SLC39A12: variants seen among roughly 807,000 people sequenced by gnomAD.
The protein encoded by SLC39A12 is zinc transporter ZIP12.
A neutral mutation model predicts 71.1 loss-of-function variants in SLC39A12; 63 were observed. That is an observed-to-expected ratio of 0.89 (90% CI 0.72 to 1.09). The LOEUF is 1.09. Ranked by LOEUF, SLC39A12 falls within the 50% of genes least tolerant of loss-of-function variation. The probability of loss-of-function intolerance (pLI) is 0.00; values close to 1 mark genes in which losing one functional copy is unlikely to be tolerated. For missense variants in SLC39A12, 892 were observed against 812.6 expected (o/e 1.10, Z -1.19); for synonymous variants, 351 against 301.3 (o/e 1.16, Z -1.71).
rs1835809096 is a variant in SLC39A12, at chr10:18,000,684, T to C, written c.1618T>C (p.Leu540=). ...SNRKCKAISL[L]AIMILVGDSL... ...TTCCTTAGGTAAAGCCATTAGCTTG[T>C]TAGCAATCATGATTCTGGTTGGGGA... is the stretch of plus-strand genomic sequence containing the variant. The change falls in exon 11 of 13, where the codon TTA becomes CTA. Residue 540 remains leucine, a synonymous_variant. Transcript: ENST00000377369. 1 of 1,614,216 alleles carries C rather than the reference T, an allele frequency of 6.2e-7. No homozygotes were observed. Among genetic ancestry groups the C allele is most frequent in the East Asian group, 2.2e-5 (1 of 44,882 alleles).
rs782245273 is a variant in SLC39A12 at position 17,961,564 on chromosome 10, ATTG to A, written c.262-14_262-12del. 6.3e-7 allele frequency: 1 copy of A among 1,590,384 alleles called. No individual in the cohort carries two copies. Among genetic ancestry groups the A allele is most frequent in the Non-Finnish European group, 8.5e-7 (1 of 1,172,206 alleles). ...AAGCTTTGTTTCTTTTGTTGTTGTT[ATTG>A]TTTTCTTCCACAGTGCTTTGAACCA... On this transcript the variant is annotated splice_polypyrimidine_tract_variant and intron_variant, in intron 2 of 12. Coordinates refer to ENST00000377369, the MANE Select transcript of SLC39A12 (RefSeq NM_001145195.2).
At chr10:17,965,221 A>C (rs1342893714) in intron 3 of SLC39A12, among the ~76,000 whole-genome samples, 3 of 152,074 alleles carry the variant, frequency 2.0e-5, no homozygotes, top group African/African-American at 7.2e-5. Context: ...AAAAGAAAAA[A>C]AAAAGGATAG....
At chr10:17,996,731 C>T (rs1835692608) in intron 10 of SLC39A12, among the ~76,000 whole-genome samples, 1 of 152,152 alleles carries the variant, frequency 6.6e-6, no homozygotes, top group African/African-American at 2.4e-5. Context: ...GGCGCGGTGG[C>T]TCACGCCTGT....
chr10:18,021,833 C>G (rs1301330102), intron 12 of SLC39A12, among the ~76,000 whole-genome samples: 1 of 152,140 alleles, frequency 6.6e-6, no homozygotes, highest in Admixed American at 6.5e-5. Context: ...ATTCCATTAG[C>G]ATTTGCTTGT....
At chr10:17,996,473 C>T (rs1417414216) in intron 10 of SLC39A12, among the ~76,000 whole-genome samples, 1 of 152,128 alleles carries the variant, frequency 6.6e-6, no homozygotes, top group Admixed American at 6.6e-5. Context: ...TTAGTTATTC[C>T]CATTCTACCG....
intron 12 of SLC39A12, among the ~76,000 whole-genome samples, chr10:18,029,209 A>G (rs1836767872): frequency 6.6e-6 from 1 of 152,130 alleles, no homozygotes; most frequent in African/African-American, 2.4e-5. Flanking sequence ...AAATGTTCAG[A>G]AATGCTACTT....
intron 7 of SLC39A12, among the ~76,000 whole-genome samples, chr10:17,990,292 A>G (rs562926764): frequency 4.5e-4 from 69 of 152,342 alleles, no homozygotes; most frequent in African/African-American, 1.6e-3. Flanking sequence ...ATGTAGATAC[A>G]TATGTATACT....
chr10:17,974,977 G>A (rs1037254127), intron 4 of SLC39A12, among the ~76,000 whole-genome samples: 1 of 152,194 alleles, frequency 6.6e-6, no homozygotes, highest in African/African-American at 2.4e-5. Context: ...CGAATCACAA[G>A]ACGTAGTCCT....
At chr10:18,005,474 A>G (rs183663132) in intron 12 of SLC39A12, 1 of 152,228 alleles carries the variant, frequency 6.6e-6, no homozygotes, top group East Asian at 1.9e-4. Flanking sequence ...TCAACTTTCG[A>G]TTTCTAATTT....
rs867881273 is a variant in SLC39A12, at chr10:18,030,917, G to A, written c.1948-11788G>A. The stretch of plus-strand genomic sequence containing the variant: ...GCGGTGTTTGGTTTTTTGTTCTTGC[G>A]ATAGTTTACTGAGAATGATGATTTC... On this transcript the variant is annotated intron_variant, in intron 12 of 12. Transcript: ENST00000377369. 6.6e-5 allele frequency among the ~76,000 whole-genome samples: 10 copies of A among 150,532 alleles called. No homozygotes were observed. The East Asian group carries it at 1.6e-3, about 24-fold the overall frequency.
In SLC39A12 at chr10:17,953,491, C is replaced by G. The variant is rs1365136081; in HGVS notation, c.215C>G (p.Thr72Ser). Residue 72 changes from threonine (T) to serine (S), a missense_variant, in exon 2 of 13, where the codon ACT (threonine) becomes AGT (serine). Coordinates refer to ENST00000377369, the MANE Select transcript of SLC39A12 (RefSeq NM_001145195.2). ...CTCATCAAAACATTGTTGGAGAAAACTGGGTGCCCACGGAGGAGAAACGGA... is the reference window on the plus strand; with the variant it reads ...CTCATCAAAACATTGTTGGAGAAAAGTGGGTGCCCACGGAGGAGAAACGGA... ...RSLIKTLLEK[T>S]GCPRRRNGMQ... 2 of 1,614,062 alleles carry G rather than the reference C, an allele frequency of 1.2e-6. No individual in the cohort carries two copies. Among genetic ancestry groups the G allele is most frequent in the Non-Finnish European group, 1.7e-6 (2 of 1,180,046 alleles).
chr10:18,028,881 G>A (rs1243207385), intron 12 of SLC39A12, among the ~76,000 whole-genome samples: 2 of 151,900 alleles, frequency 1.3e-5, no homozygotes, highest in Non-Finnish European at 2.9e-5. Flanking sequence ...CACCACACTC[G>A]GCTAATTTTT....
chr10:18,009,494 G>A, intron 12 of SLC39A12, among the ~76,000 whole-genome samples: 1 of 152,122 alleles, frequency 6.6e-6, no homozygotes, highest in East Asian at 1.9e-4. Context: ...TAGGGTTCTA[G>A]ATCTCTTCCC....
Position 17,982,061 on chromosome 10 carries a change from G to A in SLC39A12, c.1096+578G>A, listed in dbSNP as rs528162383. Among the ~76,000 whole-genome samples, 66 of 152,212 alleles carry A rather than the reference G, an allele frequency of 4.3e-4. 3 individuals are homozygous for A. In the South Asian group the frequency reaches 0.014, roughly 32 times the overall value. On this transcript the variant is annotated intron_variant, in intron 6 of 12. Transcript: ENST00000377369. ...ATAGGGCTGCCTTTCTCACATCATG[G>A]CATGTATAAAAAATGAAAACACATT... is the stretch of plus-strand genomic sequence containing the variant.
At chr10:17,976,638 T>C (rs2130802124) in intron 4 of SLC39A12, among the ~76,000 whole-genome samples, 1 of 152,326 alleles carries the variant, frequency 6.6e-6, no homozygotes, top group East Asian at 1.9e-4. Flanking sequence ...TTGGCCAGGC[T>C]GGTCTTGAAC....
At chr10:17,972,339 TATTAGCTCC>T (rs1477786838) in intron 4 of SLC39A12, among the ~76,000 whole-genome samples, 1 of 152,170 alleles carries the variant, frequency 6.6e-6, no homozygotes, top group African/African-American at 2.4e-5. Context: ...TGTAAATATA[TATTAGCTCC>T]ATTTGGTTGT....
chr10:17,985,279 G>A (rs985823455), intron 6 of SLC39A12, among the ~76,000 whole-genome samples: 1 of 152,156 alleles, frequency 6.6e-6, no homozygotes, highest in Non-Finnish European at 1.5e-5. Flanking sequence ...GGAGGTGGAG[G>A]TTGCAGCAAG....
At chr10:17,962,625 G>T (rs571554082) in intron 3 of SLC39A12, among the ~76,000 whole-genome samples, 72 of 147,956 alleles carry the variant, frequency 4.9e-4, no homozygotes, top group South Asian at 1.7e-3. Context: ...ATTTTTTTTT[G>T]AATTATTCAT....
At chr10:18,030,429 C>T (rs113130962) in intron 12 of SLC39A12, among the ~76,000 whole-genome samples, 218 of 151,472 alleles carry the variant, frequency 1.4e-3, no homozygotes, top group Non-Finnish European at 2.0e-3. Flanking sequence ...TTAGTAGAGA[C>T]GGGGTTTCAC....
Sources: allele counts gnomAD v4.1 joint callset (sites outside exome capture counted in the v4.1 genomes callset), GRCh38; gene constraint gnomAD v4.1.1; transcripts MANE v1.5; gene names NCBI Gene and HGNC (gene_info 2026-07-23, HGNC 2026-07-21).